FNBP1: variants seen among roughly 807,000 people sequenced by gnomAD.
The protein encoded by FNBP1 is formin-binding protein 1.
FNBP1 carries 26 observed loss-of-function variants against 90.6 expected under a neutral mutation model. The ratio of observed to expected loss-of-function variants is 0.29; its 90% CI spans 0.21 to 0.40. The LOEUF is 0.40. FNBP1 is among the 10% of genes least tolerant of loss of function. FNBP1 has a pLI of 1.00. For missense variants in FNBP1, 635 were observed against 768.0 expected, an observed-to-expected ratio of 0.83 and a Z score of 2.05; for synonymous variants, 260 against 265.2, an observed-to-expected ratio of 0.98 and a Z score of 0.19.
chr9:129,911,930 C>CAAA (rs71497502), intron 11 of FNBP1, among the ~76,000 whole-genome samples: 32 of 127,798 alleles, frequency 2.5e-4, no homozygotes, highest in South Asian at 5.0e-4. Flanking sequence ...GATTCTGTCT[C>CAAA]AAAAAAAAAA....
At chr9:129,923,731 T>G in intron 10 of FNBP1, 113 bp downstream of exon 10, 1 of 1,183,168 alleles carries the variant, frequency 8.5e-7, no homozygotes, top group South Asian at 2.4e-5. Context: ...TTTTAACTTT[T>G]TTATATGTTA....
At chr9:130,014,654 T>G (rs1418727237) in intron 1 of FNBP1, among the ~76,000 whole-genome samples, 1 of 152,210 alleles carries the variant, frequency 6.6e-6, no homozygotes, top group Non-Finnish European at 1.5e-5. Context: ...TACATTCTTT[T>G]GTAATATGCC....
In FNBP1 at chr9:129,927,268, C is replaced by T. The variant is rs775586594; in HGVS notation, c.716G>A (p.Arg239Gln). The change falls in exon 8 of 17, where the codon CGG (arginine) becomes CAG (glutamine). Residue 239 changes from arginine (R) to glutamine (Q), a missense_variant. By Grantham distance (43) the Arg-to-Gln change is conservative. Coordinates refer to ENST00000446176, the MANE Select transcript of FNBP1 (RefSeq NM_015033.3). Reference sequence around the variant, plus strand: ...CTTCCCAATGATTGGGATCACCTGCCGATCAACCTCTGCATATGTCTTCAT... The same window carrying T: ...CTTCCCAATGATTGGGATCACCTGCTGATCAACCTCTGCATATGTCTTCAT... ...ESMKTYAEVD[R>Q]QVIPIIGKCL... 5.7e-5 allele frequency: 92 copies of T among 1,613,524 alleles called. No homozygotes were observed. The East Asian group carries it at 1.4e-3, about 25-fold the overall frequency.
intron 4 of FNBP1, among the ~76,000 whole-genome samples, chr9:129,969,481 C>T (rs1382052584): frequency 1.3e-5 from 2 of 152,090 alleles, no homozygotes; most frequent in Non-Finnish European, 2.9e-5. Context: ...ACTGGTAATA[C>T]CCTATAAATC....
intron 2 of FNBP1, among the ~76,000 whole-genome samples, chr9:129,991,239 G>A (rs1201253194): frequency 6.6e-6 from 1 of 151,354 alleles, no homozygotes; most frequent in East Asian, 1.9e-4. Context: ...GCTACCCTCA[G>A]GTGAGTGGAG....
At chr9:129,935,377 G>A (rs373054882) in intron 6 of FNBP1, among the ~76,000 whole-genome samples, 2 of 152,088 alleles carry the variant, frequency 1.3e-5, no homozygotes, top group Admixed American at 6.6e-5. Flanking sequence ...ATTGTCATAA[G>A]CAGAGAATAC....
intron 4 of FNBP1, among the ~76,000 whole-genome samples, chr9:129,972,978 T>G (rs905956069): frequency 6.6e-6 from 1 of 152,210 alleles, no homozygotes; most frequent in Non-Finnish European, 1.5e-5. Flanking sequence ...CTCATAATTG[T>G]CCCCACAACT....
intron 6 of FNBP1, among the ~76,000 whole-genome samples, chr9:129,950,641 T>A (rs2046012723): frequency 6.6e-6 from 1 of 152,224 alleles, no homozygotes; most frequent in African/African-American, 2.4e-5. Context: ...CTGACATTAA[T>A]GCAGCTTGGT....
intron 4 of FNBP1, among the ~76,000 whole-genome samples, chr9:129,963,182 T>C (rs150668813): frequency 1.7e-3 from 263 of 152,300 alleles, no homozygotes; most frequent in African/African-American, 6.2e-3. Context: ...TGAAAGTGAA[T>C]GTTTTAACAA....
rs899544639 is a variant in FNBP1, at chr9:130,042,837, C to T, written c.24+115G>A. ...CGCCTCCTCCCCAGGCCGCGAGGAC[C>T]CCGACCAGCGCGCCCTCGCCTCCGC... On this transcript the variant is annotated intron_variant, in intron 1 of 16. Transcript: ENST00000446176. This position sits in a 1 kb window ranked among gnomAD's most constrained non-coding sequence, Gnocchi z 5.5. 5 of 674,866 alleles carry T rather than the reference C, an allele frequency of 7.4e-6. No individual in the cohort carries two copies. The East Asian group carries it at 1.9e-4, about 25-fold the overall frequency. The allele number at this position is 674,866 out of a possible 1,614,324, so 41.8% of individuals were successfully genotyped here. A position where few individuals can be genotyped will look rare whatever the true frequency, so the allele number is the denominator to read the frequency against.
At chr9:129,992,710 T>C (rs1465895229) in intron 2 of FNBP1, among the ~76,000 whole-genome samples, 2 of 150,964 alleles carry the variant, frequency 1.3e-5, no homozygotes, top group Non-Finnish European at 1.5e-5. Context: ...CCCGCCACCA[T>C]GCCTGGCTCA....
At position 129,887,486 on chromosome 9, in the gene FNBP1, A is replaced by G. The variant is rs2034821297; in HGVS notation, c.*3053T>C. On this transcript the variant is annotated 3_prime_UTR_variant, in exon 17 of 17. Coordinates refer to ENST00000446176, the MANE Select transcript of FNBP1 (RefSeq NM_015033.3). ...AGGCAGAGCCAATAAGAAACATGAA[A>G]CCAATATTTCTGGAAAAACACTTAG... The G allele has an allele frequency of 4.9e-6, 1 of 203,114 alleles. No homozygotes were observed. Among genetic ancestry groups the G allele is most frequent in the Non-Finnish European group, 1.0e-5 (1 of 98,992 alleles). 12.6% of individuals were successfully genotyped at this position (203,114 alleles called of 1,614,324 possible).
intron 1 of FNBP1, among the ~76,000 whole-genome samples, chr9:130,008,719 T>C (rs1368056404): frequency 6.6e-6 from 1 of 152,122 alleles, no homozygotes; most frequent in African/African-American, 2.4e-5. Context: ...AAATATGAAT[T>C]GGTCTCTTTC....
At chr9:129,926,429 C>T (rs1284059330) in intron 8 of FNBP1, among the ~76,000 whole-genome samples, 2 of 152,098 alleles carry the variant, frequency 1.3e-5, no homozygotes, top group Non-Finnish European at 2.9e-5. Flanking sequence ...AAGCTTTTGC[C>T]CTCCCAGAGG....
intron 11 of FNBP1, among the ~76,000 whole-genome samples, chr9:129,912,224 C>T (rs1207626319): frequency 2.6e-5 from 4 of 152,198 alleles, no homozygotes; most frequent in Admixed American, 6.5e-5. Flanking sequence ...TGATATATAG[C>T]GGAAGCCTCC....
At position 129,888,381 on chromosome 9, in the gene FNBP1, C is replaced by T. The variant is rs1011599486; in HGVS notation, c.*2158G>A. On this transcript the variant is annotated 3_prime_UTR_variant, in exon 17 of 17. Coordinates refer to ENST00000446176, the MANE Select transcript of FNBP1 (RefSeq NM_015033.3). ...TGAAGATCCCTGTCGTCCCCGTTGG[C>T]GGGGGAGCCCATTGTGGAGCTGTGG... is the stretch of plus-strand genomic sequence containing the variant. 11 of 232,404 alleles carry T rather than the reference C, an allele frequency of 4.7e-5. No individual in the cohort carries two copies. Among genetic ancestry groups the T allele is most frequent in the Non-Finnish European group, 8.5e-5 (10 of 117,628 alleles). 14.4% of individuals were successfully genotyped at this position (232,404 alleles called of 1,614,324 possible).
At chr9:130,013,634 C>T in intron 1 of FNBP1, 2 of 449,172 alleles carry the variant, frequency 4.5e-6, no homozygotes, top group South Asian at 3.2e-5. Context: ...CACCAAGAGA[C>T]ATGCATATGA....
At chr9:130,004,002 A>G (rs1230313172) in intron 1 of FNBP1, among the ~76,000 whole-genome samples, 1 of 152,100 alleles carries the variant, frequency 6.6e-6, no homozygotes, top group Non-Finnish European at 1.5e-5. Context: ...TACATTCAGA[A>G]AAGCTATTTA....
rs980002264 is a variant in FNBP1 at position 129,919,392 on chromosome 9, C to T, written c.1171-3412G>A. 2.6e-5 allele frequency: 9 copies of T among 349,282 alleles called. No individual in the cohort carries two copies. The East Asian group carries it at 3.7e-4, about 14-fold the overall frequency. The allele number at this position is 349,282 out of a possible 1,614,324, so 21.6% of individuals were successfully genotyped here. A position where few individuals can be genotyped will look rare whatever the true frequency, so the allele number is the denominator to read the frequency against. On this transcript the variant is annotated intron_variant, in intron 10 of 16. Coordinates refer to ENST00000446176, the MANE Select transcript of FNBP1 (RefSeq NM_015033.3). The stretch of plus-strand genomic sequence containing the variant: ...ACAATGAACTCTAAAATATGAAAAA[C>T]GTACATCCATATTTTAGATATAAAA...
Sources: allele counts gnomAD v4.1 joint callset (sites outside exome capture counted in the v4.1 genomes callset), GRCh38; gene constraint gnomAD v4.1.1; non-coding constraint Gnocchi (gnomAD v3.1); transcripts MANE v1.5; gene names NCBI Gene and HGNC (gene_info 2026-07-23, HGNC 2026-07-21).